Variants in NOL9 observed in about 807,000 individuals in gnomAD.
NOL9 encodes nucleolar protein 9, also known as polynucleotide 5'-hydroxyl-kinase NOL9.
In NOL9, 28 loss-of-function variants were observed where a neutral mutation model predicts 67.9. The ratio of observed to expected loss-of-function variants is 0.41; its 90% CI spans 0.31 to 0.57. The LOEUF (loss-of-function observed/expected upper bound fraction) is 0.57, where lower values mean the gene tolerates loss of function less well. Among genes scored for constraint, NOL9 ranks in the 20% least tolerant of loss-of-function variants. NOL9 has a pLI of 0.25. For synonymous variants in NOL9, 356 were observed against 352.2 expected (o/e 1.01, Z -0.12); for missense variants, 777 against 897.0 (o/e 0.87, Z 1.71).
chr1:6,526,194 C>A (rs1211535012), intron 11 of NOL9, among the ~76,000 whole-genome samples, 191 bp from the exon 12 acceptor site: 1 of 152,158 alleles, frequency 6.6e-6, no homozygotes, highest in Non-Finnish European at 1.5e-5. Context: ...CGTGCCAAGG[C>A]CTCCCTTCTG....
At chr1:6,550,370 G>T (rs1324195979) in intron 2 of NOL9, 26 bp downstream of exon 2, 1 of 1,595,742 alleles carries the variant, frequency 6.3e-7, no homozygotes, top group East Asian at 2.2e-5. Flanking sequence ...TAGGCCCTCA[G>T]TAAATTACCC....
chr1:6,539,112 T>A (rs1376149983), intron 6 of NOL9, among the ~76,000 whole-genome samples: 1 of 152,162 alleles, frequency 6.6e-6, no homozygotes, highest in East Asian at 1.9e-4. Context: ...AAAACCAACA[T>A]GAGACATTAC....
intron 1 of NOL9, among the ~76,000 whole-genome samples, chr1:6,553,426 T>C (rs1202866738): frequency 6.6e-6 from 1 of 152,172 alleles, no homozygotes; most frequent in Non-Finnish European, 1.5e-5. Context: ...GAGGGACAAC[T>C]ACTCCGTAAG....
At chr1:6,536,551 G>A (rs1411705888) in intron 6 of NOL9, among the ~76,000 whole-genome samples, 2 of 151,784 alleles carry the variant, frequency 1.3e-5, no homozygotes, top group Admixed American at 6.6e-5. Flanking sequence ...AATAAGGCCA[G>A]GTGCAGTGGC....
chr1:6,541,460 G>C (rs984634903), intron 6 of NOL9, among the ~76,000 whole-genome samples: 1 of 152,120 alleles, frequency 6.6e-6, no homozygotes, highest in Admixed American at 6.5e-5. Context: ...GGGATTACAA[G>C]TGTGAGCCAC....
rs182766512 is a variant in NOL9 at position 6,549,209 on chromosome 1, G to A, written c.744+362C>T. The A allele has an allele frequency of 3.3e-3, 555 of 168,296 alleles. 3 individuals are homozygous for A. Among genetic ancestry groups the A allele is most frequent in the Admixed American group, 5.5e-3 (91 of 16,616 alleles). 10.4% of individuals were successfully genotyped at this position (168,296 alleles called of 1,614,324 possible). A position where few individuals can be genotyped will look rare whatever the true frequency, so the allele number is the denominator to read the frequency against. On this transcript the variant is annotated intron_variant, in intron 3 of 11. Transcript: ENST00000377705. ...GAGGCGGGGTTGCAGTGAGGTTGAG[G>A]TCGCACCACTGCACTCCAGCCTGAG...
At chr1:6,528,908 G>C (rs1638953830) in intron 10 of NOL9, 86 bp downstream of exon 10, 4 of 1,355,328 alleles carry the variant, frequency 3.0e-6, no homozygotes, top group Non-Finnish European at 4.1e-6. Context: ...CTTAGACACA[G>C]CTACAAGGTC....
chr1:6,528,878 G>A (rs748416733), intron 10 of NOL9, 116 bp downstream of exon 10: 377 of 975,864 alleles, frequency 3.9e-4, no homozygotes, highest in Middle Eastern at 1.3e-3. Context: ...AGATGAGTGG[G>A]GGTTCTCTGA....
chr1:6,540,344 G>C (rs931539224), intron 6 of NOL9, among the ~76,000 whole-genome samples: 1 of 151,542 alleles, frequency 6.6e-6, no homozygotes, highest in African/African-American at 2.4e-5. Context: ...GGATGGTCTC[G>C]ATCTCCTAAC....
intron 6 of NOL9, among the ~76,000 whole-genome samples, chr1:6,541,327 G>A (rs779430783): frequency 6.6e-6 from 1 of 151,986 alleles, no homozygotes; most frequent in Non-Finnish European, 1.5e-5. Context: ...GACTACAGGC[G>A]TGCACCACCA....
chr1:6,532,134 C>A lies in NOL9; in HGVS notation c.1536-55G>T, dbSNP rs1639043157. 2.3e-6 allele frequency: 3 copies of A among 1,298,058 alleles called. No homozygotes were observed. In the Admixed American group the frequency reaches 5.1e-5, roughly 22 times the overall value. The allele number at this position is 1,298,058 out of a possible 1,614,324, so 80.4% of individuals were successfully genotyped here. The stretch of plus-strand genomic sequence containing the variant: ...GACATTTAACCCTCAACGGCCACCT[C>A]CCACACCTGTCATCACAGAGGTCAC... On this transcript the variant is annotated intron_variant, in intron 8 of 11. Transcript: ENST00000377705.
chr1:6,530,460 G>GATAA (rs753165066), intron 9 of NOL9, among the ~76,000 whole-genome samples: 2 of 152,056 alleles, frequency 1.3e-5, no homozygotes, highest in South Asian at 4.1e-4. Flanking sequence ...ATCTCAAAAA[G>GATAA]ATAAATAAAT....
chr1:6,525,019 G>T lies in NOL9; in HGVS notation c.*835C>A. 1 of 152,160 alleles carries T rather than the reference G, an allele frequency of 6.6e-6. No homozygotes were observed. The highest frequency in any genetic ancestry group is 1.9e-4 in the East Asian group (1 of 5,182). 9.4% of individuals were successfully genotyped at this position (152,160 alleles called of 1,614,324 possible). On this transcript the variant is annotated 3_prime_UTR_variant, in exon 12 of 12. Transcript: ENST00000377705. ...CTCCCAAAGTGCTGGAATTACAGGC[G>T]TGAGCCACTGCGCCTGGCCCCGAGG...
Position 6,545,169 on chromosome 1 carries a change from G to A in NOL9, c.756C>T (p.Pro252=), listed in dbSNP as rs543906152. The change falls in exon 4 of 12, where the codon CCC becomes CCT. Residue 252 remains proline, a synonymous_variant. Coordinates refer to ENST00000377705, the MANE Select transcript of NOL9 (RefSeq NM_024654.5). ...AGGCTAAATATTCAGGTTTAATCTG[G>A]GGAGTTGGACTCTGAAATCAACAAT... ...SYIFVQESPT[P]QIKPEYLALR... is the part of the protein sequence containing the mutation. 9.3e-6 allele frequency: 15 copies of A among 1,611,652 alleles called. No individual in the cohort carries two copies. In the South Asian group the frequency reaches 1.5e-4, roughly 17 times the overall value.
chr1:6,533,158 G>C, intron 7 of NOL9, 122 bp downstream of exon 7: 2 of 1,015,058 alleles, frequency 2.0e-6, no homozygotes, highest in Non-Finnish European at 2.8e-6. Context: ...CTGGGCGACA[G>C]AGTGAGACCC....
Position 6,529,125 on chromosome 1 carries a change from G to T in NOL9, c.1694C>A (p.Ala565Asp), listed in dbSNP as rs1422591610. The T allele has an allele frequency of 6.2e-7, 1 of 1,614,124 alleles. No individual in the cohort carries two copies. Among genetic ancestry groups the T allele is most frequent in the Admixed American group, 1.7e-5 (1 of 60,012 alleles). ...TACAGCATATAGTATATGGGTAGGG[G>T]CGACATCAGAGTGGGTAATCCGGAG... ...VALRITHSDVAPTHILYAVNA... is the reference protein window; with the variant it reads ...VALRITHSDVDPTHILYAVNA... The change falls in exon 10 of 12, where the codon GCC (alanine) becomes GAC (aspartate). Residue 565 changes from alanine (A) to aspartate (D), a missense_variant. Physicochemically the swap from Ala to Asp is moderately radical, Grantham distance 126. Transcript: ENST00000377705.
intron 6 of NOL9, among the ~76,000 whole-genome samples, chr1:6,541,116 T>G (rs1570065809): frequency 6.7e-6 from 1 of 150,182 alleles, no homozygotes; most frequent in Non-Finnish European, 1.5e-5. Flanking sequence ...CCTGGGTTCA[T>G]GCGATTCTCC....
chr1:6,547,970 C>T, intron 3 of NOL9: 1 of 268,672 alleles, frequency 3.7e-6, no homozygotes, highest in Non-Finnish European at 7.6e-6. Flanking sequence ...TCCTACAATA[C>T]ACCGTCATAG....
chr1:6,546,554 C>A (rs757641609), intron 3 of NOL9, among the ~76,000 whole-genome samples: 1 of 152,170 alleles, frequency 6.6e-6, no homozygotes, highest in South Asian at 2.1e-4. Flanking sequence ...ACAACTTCTA[C>A]TTCCTCTGGC....
Sources: gnomAD v4.1 joint callset for allele counts (sites outside exome capture counted in the v4.1 genomes callset) on GRCh38, gnomAD v4.1.1 for gene constraint, MANE v1.5 for transcripts, NCBI Gene and HGNC (gene_info 2026-07-23, HGNC 2026-07-21) for gene names.